PTPRT: variants seen among roughly 807,000 people sequenced by gnomAD.
PTPRT encodes protein tyrosine phosphatase receptor type T, also known as receptor-type tyrosine-protein phosphatase T.
In PTPRT, 56 loss-of-function variants were observed where a neutral mutation model predicts 176.8. The ratio of observed to expected loss-of-function variants is 0.32; its 90% confidence interval spans 0.26 to 0.40. The LOEUF (loss-of-function observed/expected upper bound fraction) is 0.40, where lower values mean the gene tolerates loss of function less well. Among genes scored for constraint, PTPRT ranks in the 10% least tolerant of loss-of-function variants. The probability of loss-of-function intolerance (pLI) is 1.00; values close to 1 mark genes in which losing one functional copy is unlikely to be tolerated. For synonymous variants in PTPRT, 783 were observed against 739.0 expected, an observed-to-expected ratio of 1.06 and a Z score of -0.96; for missense variants, 1,540 against 1,908.2, an observed-to-expected ratio of 0.81 and a Z score of 3.60.
chr20:42,434,947 AGAGT>A (rs2059249006), intron 9 of PTPRT, among the ~76,000 whole-genome samples: 1 of 152,162 alleles, frequency 6.6e-6, no homozygotes, highest in Non-Finnish European at 1.5e-5. Context: ...CCTGGGTGAC[AGAGT>A]GAGAATCCAT....
chr20:42,177,066 T>C (rs1403288112), intron 16 of PTPRT, among the ~76,000 whole-genome samples: 4 of 152,262 alleles, frequency 2.6e-5, no homozygotes, highest in Non-Finnish European at 4.4e-5. Flanking sequence ...CACAATTACC[T>C]TCACCTTTGT....
chr20:42,441,494 G>A (rs2059315543), intron 9 of PTPRT, among the ~76,000 whole-genome samples: 1 of 152,190 alleles, frequency 6.6e-6, no homozygotes, highest in Admixed American at 6.5e-5. Context: ...ATCCTTCAGT[G>A]CCTCGAAGTT....
At chr20:42,380,460 T>C (rs2058688368) in intron 9 of PTPRT, among the ~76,000 whole-genome samples, 1 of 152,190 alleles carries the variant, frequency 6.6e-6, no homozygotes, top group Non-Finnish European at 1.5e-5. Flanking sequence ...CTGCCTGGCC[T>C]GGTTGGTTTC....
the PTPRT span, among the ~76,000 whole-genome samples, chr20:42,033,680 T>C: frequency 1.3e-5 from 2 of 152,204 alleles, no homozygotes; most frequent in Admixed American, 1.3e-4. Context: ...GATAAATTAC[T>C]TAACCTCTCT....
At chr20:42,859,197 A>G (rs968237223) in intron 2 of PTPRT, among the ~76,000 whole-genome samples, 1 of 152,310 alleles carries the variant, frequency 6.6e-6, no homozygotes, top group East Asian at 1.9e-4. Context: ...TCCTGGGCCA[A>G]TCATCCCAAA....
chr20:43,028,025 G>A (rs1985985917), intron 1 of PTPRT, among the ~76,000 whole-genome samples: 1 of 152,202 alleles, frequency 6.6e-6, no homozygotes, highest in Non-Finnish European at 1.5e-5. Flanking sequence ...ATACAGGCCA[G>A]AATTTTCCGA....
In PTPRT at chr20:42,215,724, G is replaced by A. The variant is rs78754875; in HGVS notation, c.2343-16336C>T. Among the ~76,000 whole-genome samples, 173 of 152,264 alleles carry A rather than the reference G, an allele frequency of 1.1e-3. 1 individual carries two copies. The highest frequency in any genetic ancestry group is 2.3e-3 in the Non-Finnish European group (156 of 68,024). On this transcript the variant is annotated intron_variant, in intron 15 of 30. Coordinates refer to ENST00000373187, the MANE Select transcript of PTPRT (RefSeq NM_007050.6). ...AAAGTTGTAGAATCTTGGATTCTCT[G>A]GCTGGAAAGGCCCTCCCAGTCATTT...
chr20:42,717,410 A>G (rs2076242154), intron 6 of PTPRT, among the ~76,000 whole-genome samples: 1 of 152,144 alleles, frequency 6.6e-6, no homozygotes, highest in Non-Finnish European at 1.5e-5. Context: ...CAGCTGGGGA[A>G]AGATGATATT....
At chr20:42,283,641 T>C (rs1258064812) in intron 12 of PTPRT, among the ~76,000 whole-genome samples, 3 of 152,110 alleles carry the variant, frequency 2.0e-5, no homozygotes, top group Non-Finnish European at 4.4e-5. Flanking sequence ...TCATAGCTGG[T>C]ATGTCCATTT....
intron 14 of PTPRT, 27 bp downstream of exon 14, chr20:42,248,646 CTCGGGTCAGCAGAG>C (rs1423172324): frequency 1.2e-6 from 2 of 1,608,300 alleles, no homozygotes; most frequent in African/African-American, 2.7e-5. Context: ...TTGAGGTCAC[CTCGGGTCAGCAGAG>C]TCTTGCAGGC....
intron 18 of PTPRT, among the ~76,000 whole-genome samples, chr20:42,132,944 T>A (rs1988189423): frequency 6.6e-6 from 1 of 151,990 alleles, no homozygotes; most frequent in African/African-American, 2.4e-5. Context: ...GGTGAATGGA[T>A]AAACAAATTG....
At chr20:42,484,958 C>T (rs2071442987) in intron 7 of PTPRT, among the ~76,000 whole-genome samples, 1 of 152,166 alleles carries the variant, frequency 6.6e-6, no homozygotes, top group Admixed American at 6.5e-5. Flanking sequence ...TCTGCCCCAT[C>T]CAGATGCAGT....
At chr20:42,481,777 AACAC>A (rs11468323) in intron 7 of PTPRT, among the ~76,000 whole-genome samples, 3,072 of 144,504 alleles carry the variant, frequency 0.021, 99 homozygotes, top group African/African-American at 0.07. Flanking sequence ...TACACACACA[AACAC>A]ACACACACAC....
At chr20:42,837,637 T>C (rs552484556) in intron 2 of PTPRT, among the ~76,000 whole-genome samples, 1 of 152,310 alleles carries the variant, frequency 6.6e-6, no homozygotes, top group Non-Finnish European at 1.5e-5. Flanking sequence ...TAACAGTATG[T>C]ATTTATTCAG....
chr20:42,999,612 T>TGTTGTTGTTGTTG (rs199881893), intron 1 of PTPRT, among the ~76,000 whole-genome samples: 9 of 141,768 alleles, frequency 6.3e-5, no homozygotes, highest in Admixed American at 2.8e-4. Flanking sequence ...TTGTGGTTTT[T>TGTTGTTGTTGTTG]TTTTTGTTGT....
At chr20:43,120,383 T>TGCCTCAGTCTCCC (rs1490340797) in intron 1 of PTPRT, among the ~76,000 whole-genome samples, 1 of 152,030 alleles carries the variant, frequency 6.6e-6, no homozygotes, top group African/African-American at 2.4e-5. Context: ...CCCATTCTCC[T>TGCCTCAGTCTCCC]GCCTCAGTCT....
At chr20:42,954,059 C>A (rs760233990) in intron 1 of PTPRT, among the ~76,000 whole-genome samples, 8 of 152,064 alleles carry the variant, frequency 5.3e-5, no homozygotes, top group Non-Finnish European at 8.8e-5. Flanking sequence ...TCTAAGACCT[C>A]CCGTGGGATG....
At chr20:43,022,988 G>A (rs912136512) in intron 1 of PTPRT, among the ~76,000 whole-genome samples, 2 of 152,236 alleles carry the variant, frequency 1.3e-5, no homozygotes, top group Non-Finnish European at 2.9e-5. Flanking sequence ...GGTTCCAGGG[G>A]CAAAGGCCCT....
the PTPRT span, among the ~76,000 whole-genome samples, chr20:42,051,410 G>A: frequency 6.6e-6 from 1 of 152,190 alleles, no homozygotes; most frequent in South Asian, 2.1e-4. Context: ...GGGGAAGTGA[G>A]GCAAGGAGGG....
Sources: gnomAD v4.1 joint callset for allele counts (sites outside exome capture counted in the v4.1 genomes callset) on GRCh38, gnomAD v4.1.1 for gene constraint, MANE v1.5 for transcripts, NCBI Gene and HGNC (gene_info 2026-07-23, HGNC 2026-07-21) for gene names.